NSUN7: variants seen among roughly 807,000 people sequenced by gnomAD.
The protein encoded by NSUN7 is NOP2/Sun RNA methyltransferase family member 7, also known as protein NSUN7.
NSUN7 carries 39 observed loss-of-function variants against 58.5 expected under a neutral mutation model. That is an observed-to-expected ratio of 0.67 (90% CI 0.52 to 0.87). NSUN7 has a LOEUF of 0.87. NSUN7 is among the 40% of genes least tolerant of loss of function. NSUN7 has a pLI of 0.00. For synonymous variants in NSUN7, 278 were observed against 303.7 expected, an observed-to-expected ratio of 0.92 and a Z score of 0.88; for missense variants, 765 against 844.1, an observed-to-expected ratio of 0.91 and a Z score of 1.16.
rs1429604364 is a variant in NSUN7, at chr4:40,790,619, G to A, written c.1054G>A (p.Glu352Lys). 2 of 1,557,894 alleles carry A rather than the reference G, an allele frequency of 1.3e-6. No homozygotes were observed. Among genetic ancestry groups the A allele is most frequent in the African/African-American group, 2.7e-5 (2 of 72,786 alleles). The change falls in exon 8 of 12, where the codon GAG becomes AAG. Residue 352 changes from glutamate to lysine, a missense_variant. Transcript: ENST00000381782. ...IGCKNIEILH[E>K]KFINIESKDH... The stretch of plus-strand genomic sequence containing the variant: ...TTCCCCAGATATTGAAATACTTCAT[G>A]AGAAATTTATTAACATTGAATCAAA...
In NSUN7 at chr4:40,799,087, T is replaced by G. The variant is rs991785271; in HGVS notation, c.1400+183T>G. On this transcript the variant is annotated intron_variant, in intron 10 of 11. Transcript: ENST00000381782. ...AGGGCCTTTTTCTTTTTTTTTTTTT[T>G]TTTTTTTTTTTTTTTAAAGATGGAA... is the stretch of plus-strand genomic sequence containing the variant. Among the ~76,000 whole-genome samples the G allele has an allele frequency of 2.8e-5, 4 of 140,414 alleles. 1 individual carries two copies. Among genetic ancestry groups the G allele is most frequent in the Admixed American group, 7.1e-5 (1 of 14,008 alleles). 92.1% of individuals were successfully genotyped at this position (140,414 alleles called of 152,430 possible). A position where few individuals can be genotyped will look rare whatever the true frequency, so the allele number is the denominator to read the frequency against.
chr4:40,794,285 G>A, intron 8 of NSUN7, 90 bp from the exon 9 acceptor site: 1 of 571,904 alleles, frequency 1.7e-6, no homozygotes, highest in Non-Finnish European at 3.0e-6. Context: ...TTATTGGTAG[G>A]CAAAATGATT....
At chr4:40,807,711 A>G (rs993462656) in intron 11 of NSUN7, among the ~76,000 whole-genome samples, 2 of 151,992 alleles carry the variant, frequency 1.3e-5, no homozygotes, top group East Asian at 3.9e-4. Context: ...CACCTCCCCA[A>G]GCATTTTGTA....
intron 2 of NSUN7, among the ~76,000 whole-genome samples, chr4:40,759,596 A>T (rs1275641363): frequency 6.6e-6 from 1 of 152,212 alleles, no homozygotes; most frequent in Non-Finnish European, 1.5e-5. Flanking sequence ...ATACCAATCT[A>T]ACACAAACTC....
intron 9 of NSUN7, among the ~76,000 whole-genome samples, chr4:40,798,176 G>A (rs1291722281): frequency 6.6e-6 from 1 of 152,130 alleles, no homozygotes; most frequent in African/African-American, 2.4e-5. Flanking sequence ...ATTTATCTCT[G>A]TCTTACTGTC....
chr4:40,767,910 T>C (rs2154287208), intron 4 of NSUN7, among the ~76,000 whole-genome samples: 1 of 152,370 alleles, frequency 6.6e-6, no homozygotes, highest in South Asian at 2.1e-4. Context: ...CAAGCTTATG[T>C]TACAGTTGTA....
chr4:40,799,012 T>G (rs935992002), intron 10 of NSUN7, 108 bp downstream of exon 10: 3 of 450,560 alleles, frequency 6.7e-6, no homozygotes, highest in Admixed American at 4.3e-5. Context: ...AAATTATACT[T>G]TAGTATGATA....
intron 2 of NSUN7, among the ~76,000 whole-genome samples, chr4:40,755,368 G>A (rs1027709034): frequency 2.6e-5 from 4 of 152,080 alleles, no homozygotes; most frequent in Non-Finnish European, 4.4e-5. Context: ...GATTACAGGC[G>A]TGAGCCACCG....
intron 2 of NSUN7, among the ~76,000 whole-genome samples, chr4:40,752,602 A>G (rs540949205): frequency 1.3e-5 from 2 of 152,170 alleles, no homozygotes; most frequent in East Asian, 3.9e-4. Context: ...TTGTATTTTT[A>G]GTAGAGACGG....
intron 11 of NSUN7, among the ~76,000 whole-genome samples, chr4:40,808,021 C>T (rs1743883041): frequency 1.8e-5 from 2 of 114,142 alleles, no homozygotes; most frequent in East Asian, 2.4e-4. Context: ...CAAAGCAAGA[C>T]TCCATCTCAA....
rs188010911 is a variant in NSUN7, at chr4:40,804,313, G to A, written c.1401-2748G>A. Among the ~76,000 whole-genome samples the A allele has an allele frequency of 3.6e-3, 541 of 152,020 alleles. 11 individuals carry two copies. The highest frequency in any genetic ancestry group is 0.03 in the East Asian group (154 of 5,140). ...AAATTAGCCAGGCGTGGTGTCAGGCGCCTGTAATCCCAGCTACTTGGGAGG... is the reference window on the plus strand; with the variant it reads ...AAATTAGCCAGGCGTGGTGTCAGGCACCTGTAATCCCAGCTACTTGGGAGG... On this transcript the variant is annotated intron_variant, in intron 10 of 11. Coordinates refer to ENST00000381782, the MANE Select transcript of NSUN7 (RefSeq NM_024677.6).
At chr4:40,753,543 T>A (rs1740943022) in intron 2 of NSUN7, among the ~76,000 whole-genome samples, 1 of 152,270 alleles carries the variant, frequency 6.6e-6, no homozygotes, top group South Asian at 2.1e-4. Context: ...AGTGCTGTGA[T>A]CTTTCTTAAT....
chr4:40,786,993 T>C (rs113099117), intron 7 of NSUN7, among the ~76,000 whole-genome samples: 14 of 150,640 alleles, frequency 9.3e-5, no homozygotes, highest in Admixed American at 2.6e-4. Context: ...AACACAGTTG[T>C]GGGAATTTGG....
intron 10 of NSUN7, among the ~76,000 whole-genome samples, chr4:40,799,323 GT>G (rs1418745966): frequency 3.3e-5 from 5 of 151,844 alleles, no homozygotes; most frequent in Non-Finnish European, 7.4e-5. Flanking sequence ...CTGACCTCAG[GT>G]AATCCACCTG....
At chr4:40,761,961 T>C (rs767401220) in intron 4 of NSUN7, among the ~76,000 whole-genome samples, 3 of 152,206 alleles carry the variant, frequency 2.0e-5, no homozygotes, top group Non-Finnish European at 2.9e-5. Context: ...ATTGGAAACT[T>C]AATCCTCAGT....
chr4:40,808,977 A>C lies in NSUN7; in HGVS notation c.*38A>C. The C allele has an allele frequency of 6.9e-7, 1 of 1,458,524 alleles. No homozygotes were observed. Among genetic ancestry groups the C allele is most frequent in the Non-Finnish European group, 9.0e-7 (1 of 1,108,692 alleles). The allele number at this position is 1,458,524 out of a possible 1,614,324, so 90.3% of individuals were successfully genotyped here. On this transcript the variant is annotated 3_prime_UTR_variant, in exon 12 of 12. Coordinates refer to ENST00000381782, the MANE Select transcript of NSUN7 (RefSeq NM_024677.6). ...TTTTATAGGGGCCAAAGAGCAGTTGATTTTTTTTCAAAGTCTAGTATTTCT... is the reference window on the plus strand; with the variant it reads ...TTTTATAGGGGCCAAAGAGCAGTTGCTTTTTTTTCAAAGTCTAGTATTTCT...
At chr4:40,791,842 A>G (rs1454737515) in intron 8 of NSUN7, among the ~76,000 whole-genome samples, 2 of 152,204 alleles carry the variant, frequency 1.3e-5, no homozygotes, top group Non-Finnish European at 2.9e-5. Context: ...AGTATTCACA[A>G]TAACTTTTTG....
Position 40,750,582 on chromosome 4 carries a change from AATCACCT to A in NSUN7, c.-91-20_-91-14del. On this transcript the variant is annotated splice_polypyrimidine_tract_variant and intron_variant, in intron 1 of 11. Transcript: ENST00000381782. ...TGCTGCAGAAAGAGTGATTTACTGC[AATCACCT>A]TCTCTCTTCACAGAGACCATGCTGC... 1 of 1,291,480 alleles carries A rather than the reference AATCACCT, an allele frequency of 7.7e-7. No individual in the cohort carries two copies. The highest frequency in any genetic ancestry group is 2.8e-4 in the Middle Eastern group (1 of 3,606). 80.0% of individuals were successfully genotyped at this position (1,291,480 alleles called of 1,614,324 possible).
At position 40,809,009 on chromosome 4, in the gene NSUN7, A is replaced by T; in HGVS notation, c.*70A>T. ...TTCAAAGTCTAGTATTTCTCTGAAG[A>T]TTCTACATCTCTACACAAGATATTC... is the stretch of plus-strand genomic sequence containing the variant. On this transcript the variant is annotated 3_prime_UTR_variant, in exon 12 of 12. Transcript: ENST00000381782. 6 of 1,381,602 alleles carry T rather than the reference A, an allele frequency of 4.3e-6. No individual in the cohort carries two copies. The highest frequency in any genetic ancestry group is 5.7e-6 in the Non-Finnish European group (6 of 1,045,922). The allele number at this position is 1,381,602 out of a possible 1,614,324, so 85.6% of individuals were successfully genotyped here. A position where few individuals can be genotyped will look rare whatever the true frequency, so the allele number is the denominator to read the frequency against.
Sources: gnomAD v4.1 joint callset for allele counts (sites outside exome capture counted in the v4.1 genomes callset) on GRCh38, gnomAD v4.1.1 for gene constraint, MANE v1.5 for transcripts, NCBI Gene and HGNC (gene_info 2026-07-23, HGNC 2026-07-21) for gene names.